CYP4F3: variants seen among roughly 807,000 people sequenced by gnomAD.
CYP4F3 encodes cytochrome P450 4F3.
CYP4F3 carries 50 observed loss-of-function variants against 54.8 expected under a neutral mutation model. The ratio of observed to expected loss-of-function variants is 0.91; its 90% CI spans 0.73 to 1.16. The LOEUF is 1.16. CYP4F3 is among the 50% of genes most tolerant of loss of function. The pLI, the probability that CYP4F3 is intolerant of heterozygous loss-of-function variation, is 0.00. For missense variants in CYP4F3, 715 were observed against 676.2 expected (o/e 1.06, Z -0.64); for synonymous variants, 244 against 262.6 (o/e 0.93, Z 0.69).
rs1373377740 is a variant in CYP4F3, at chr19:15,641,494, G to T, written c.79G>T (p.Ala27Ser). ...GTGGCTGCTCCTGCTGCTGGTTGGG[G>T]CCTCCTGGCTCCTGGCCCGCATCCT... ...SPWLLLLLVGASWLLARILAW... is the reference protein window; with the variant it reads ...SPWLLLLLVGSSWLLARILAW... The change falls in exon 2 of 13, where the codon GCC (alanine) becomes TCC (serine). Residue 27 changes from alanine to serine, a missense_variant. By Grantham distance (99) the Ala-to-Ser change is moderately conservative. Coordinates refer to ENST00000221307, the MANE Select transcript of CYP4F3 (RefSeq NM_000896.3). 6.2e-7 allele frequency: 1 copy of T among 1,614,072 alleles called. No individual in the cohort carries two copies. Among genetic ancestry groups the T allele is most frequent in the South Asian group, 1.1e-5 (1 of 91,092 alleles).
chr19:15,647,932 G>A (rs547908658), intron 5 of CYP4F3, among the ~76,000 whole-genome samples: 6 of 152,260 alleles, frequency 3.9e-5, no homozygotes, highest in Admixed American at 2.0e-4. Flanking sequence ...ATAAGATGAG[G>A]CTTAGCTTCA....
chr19:15,658,267 C>G lies in CYP4F3; in HGVS notation c.1119C>G (p.Asp373Glu). The G allele has an allele frequency of 1.2e-6, 2 of 1,613,926 alleles. No homozygotes were observed. The highest frequency in any genetic ancestry group is 1.3e-5 in the African/African-American group (1 of 75,032). ...TGGGGCTGGGGTGTTTCCTTAGGGA[C>G]GACCTGGCCCAGCTGCCCTTCCTGA... The part of the protein sequence containing the change: ...KDREPKEIEW[D>E]DLAQLPFLTM... Residue 373 changes from aspartate to glutamate, a missense_variant, in exon 10 of 13, where the codon GAC becomes GAG. Transcript: ENST00000221307.
chr19:15,641,737 T>C lies in CYP4F3; in HGVS notation c.198+124T>C, dbSNP rs902359268. 9 of 1,088,508 alleles carry C rather than the reference T, an allele frequency of 8.3e-6. No homozygotes were observed. In the African/African-American group the frequency reaches 1.4e-4, roughly 17 times the overall value. 67.4% of individuals were successfully genotyped at this position (1,088,508 alleles called of 1,614,324 possible). On this transcript the variant is annotated intron_variant, in intron 2 of 12. Transcript: ENST00000221307. ...GGGTGGCAGAGAAGCAGGGGAGGCGTCTTACTCATTCCTCTGCTTACTCAT... is the reference window on the plus strand; with the variant it reads ...GGGTGGCAGAGAAGCAGGGGAGGCGCCTTACTCATTCCTCTGCTTACTCAT...
At chr19:15,653,241 C>A (rs928976889) in intron 9 of CYP4F3, among the ~76,000 whole-genome samples, 2 of 152,184 alleles carry the variant, frequency 1.3e-5, no homozygotes, top group African/African-American at 2.4e-5. Flanking sequence ...CCACTCTCTT[C>A]CTTTTCTCCA....
intron 7 of CYP4F3, 133 bp from the exon 8 acceptor site, chr19:15,652,436 A>G (rs928797264): frequency 7.5e-7 from 1 of 1,331,142 alleles, no homozygotes; most frequent in African/African-American, 1.5e-5. Context: ...AGGGTCTAGG[A>G]GAGCAAGATG....
chr19:15,648,279 T>A (rs1367894532), intron 5 of CYP4F3, among the ~76,000 whole-genome samples: 1 of 152,060 alleles, frequency 6.6e-6, no homozygotes, highest in Admixed American at 6.5e-5. Context: ...AGATTGCACT[T>A]CTTCTCCAAG....
chr19:15,642,055 T>C (rs1356016953), intron 2 of CYP4F3, among the ~76,000 whole-genome samples: 1 of 152,132 alleles, frequency 6.6e-6, no homozygotes, highest in Non-Finnish European at 1.5e-5. Context: ...CTCCACCACA[T>C]CCGGAGGCAC....
Position 15,647,102 on chromosome 19 carries a change from C to A in CYP4F3, c.394C>A (p.Leu132Met), listed in dbSNP as rs1568394600. ...CTTCTACAGCTTCCTGAAGCCCTGG[C>A]TGGGTGAGTATCTGTAGGTGAACAG... ...KVFYSFLKPW[L>M]GDGLLLSAGE... The change falls in exon 4 of 13, where the codon CTG (leucine) becomes ATG (methionine). Residue 132 changes from leucine to methionine, a missense_variant. Transcript: ENST00000221307. 1 of 1,613,840 alleles carries A rather than the reference C, an allele frequency of 6.2e-7. No homozygotes were observed. The highest frequency in any genetic ancestry group is 2.2e-5 in the East Asian group (1 of 44,880).
At chr19:15,644,036 G>T in intron 2 of CYP4F3, 1 of 1,592,658 alleles carries the variant, frequency 6.3e-7, no homozygotes, top group Non-Finnish European at 8.5e-7. Flanking sequence ...CATCCGGTCT[G>T]TCATCAACGC....
At position 15,652,638 on chromosome 19, in the gene CYP4F3, G is replaced by A; in HGVS notation, c.985+3G>A. 3 of 1,614,206 alleles carry A rather than the reference G, an allele frequency of 1.9e-6. No individual in the cohort carries two copies. The highest frequency in any genetic ancestry group is 2.5e-6 in the Non-Finnish European group (3 of 1,180,024). On this transcript the variant is annotated splice_donor_region_variant and intron_variant, in intron 8 of 12. Coordinates refer to ENST00000221307, the MANE Select transcript of CYP4F3 (RefSeq NM_000896.3). ...AGCTGACACCTTTATGTTTGAGGGT[G>A]AGGGCCCCAGTGTGGGGCTAGAGTG... is the stretch of plus-strand genomic sequence containing the variant.
At chr19:15,649,825 G>A (rs1972733561) in intron 6 of CYP4F3, 88 bp from the exon 7 acceptor site, 1 of 1,552,772 alleles carries the variant, frequency 6.4e-7, no homozygotes, top group Non-Finnish European at 8.7e-7. Context: ...TTTACTGATA[G>A]GAGGTAGCTC....
Position 15,650,055 on chromosome 19 carries a change from C to T in CYP4F3, c.790C>T (p.His264Tyr), listed in dbSNP as rs772896737. ...QRFRRACRLVHDFTDAVIQER... is the reference protein window; with the variant it reads ...QRFRRACRLVYDFTDAVIQER... ...TTTCCGCAGGGCCTGCCGCCTGGTG[C>T]ACGACTTCACAGATGCCGTCATCCA... Residue 264 changes from histidine (H) to tyrosine (Y), a missense_variant, in exon 7 of 13, where the codon CAC (histidine) becomes TAC (tyrosine). Coordinates refer to ENST00000221307, the MANE Select transcript of CYP4F3 (RefSeq NM_000896.3). 1.3e-5 allele frequency: 21 copies of T among 1,614,198 alleles called. No individual in the cohort carries two copies. The highest frequency in any genetic ancestry group is 3.3e-5 in the Admixed American group (2 of 60,026).
At chr19:15,658,182 G>T in intron 9 of CYP4F3, 82 bp from the exon 10 acceptor site, 3 of 1,573,276 alleles carry the variant, frequency 1.9e-6, no homozygotes, top group Non-Finnish European at 2.6e-6. Context: ...AGGGAGAAAA[G>T]GTCTCACTTG....
At chr19:15,646,465 A>G (rs2144640181) in intron 3 of CYP4F3, among the ~76,000 whole-genome samples, 1 of 152,196 alleles carries the variant, frequency 6.6e-6, no homozygotes, top group African/African-American at 2.4e-5. Flanking sequence ...CGTGTTGGCT[A>G]TGTCTGGGTC....
chr19:15,643,076 AGATGGATG>A (rs199692890), intron 2 of CYP4F3, among the ~76,000 whole-genome samples: 14 of 151,504 alleles, frequency 9.2e-5, no homozygotes, highest in African/African-American at 1.9e-4. Flanking sequence ...TGTACAGATA[AGATGGATG>A]GATGGATGGA....
At chr19:15,642,680 G>T (rs964235252) in intron 2 of CYP4F3, among the ~76,000 whole-genome samples, 1 of 152,214 alleles carries the variant, frequency 6.6e-6, no homozygotes, top group African/African-American at 2.4e-5. Flanking sequence ...CTTGGGATGC[G>T]CTCTTGGGAC....
intron 2 of CYP4F3, chr19:15,643,976 G>A: frequency 6.2e-7 from 1 of 1,607,130 alleles, no homozygotes; most frequent in Non-Finnish European, 8.5e-7. Flanking sequence ...GGGCTTTAAG[G>A]TCTGGATGGG....
Position 15,641,401 on chromosome 19 carries a change from C to A in CYP4F3, c.-1-14C>A. On this transcript the variant is annotated splice_polypyrimidine_tract_variant and intron_variant, in intron 1 of 12. Transcript: ENST00000221307. Reference sequence around the variant, plus strand: ...GGCCTCAGGACCTCACTCACCACCCCATCTGCCCTGCAGGATGCCACAGCT... The same window carrying A: ...GGCCTCAGGACCTCACTCACCACCCAATCTGCCCTGCAGGATGCCACAGCT... The A allele has an allele frequency of 6.2e-7, 1 of 1,613,794 alleles. No individual in the cohort carries two copies. Among genetic ancestry groups the A allele is most frequent in the Non-Finnish European group, 8.5e-7 (1 of 1,179,864 alleles).
intron 7 of CYP4F3, among the ~76,000 whole-genome samples, chr19:15,650,678 TTC>T (rs1270947323): frequency 1.7e-5 from 1 of 59,124 alleles, no homozygotes; most frequent in Admixed American, 1.9e-4. Flanking sequence ...CTTTCTTTCT[TTC>T]TTTCTTTCTT....
Sources: allele counts gnomAD v4.1 joint callset (sites outside exome capture counted in the v4.1 genomes callset), GRCh38; gene constraint gnomAD v4.1.1; transcripts MANE v1.5; gene names NCBI Gene and HGNC (gene_info 2026-07-23, HGNC 2026-07-21).